NALCN: variants seen among roughly 807,000 people sequenced by gnomAD.
NALCN encodes the protein sodium leak channel, non-selective, also known as sodium leak channel NALCN.
NALCN carries 111 observed loss-of-function variants against 225.3 expected under a neutral mutation model. That is an observed-to-expected ratio of 0.49 (90% CI 0.42 to 0.58). The LOEUF is 0.58. Ranked by LOEUF, NALCN falls within the 20% of genes least tolerant of loss-of-function variation. The pLI is 0.00. For synonymous variants in NALCN, 764 were observed against 769.0 expected (o/e 0.99, Z 0.11); for missense variants, 1,378 against 2,202.4 (o/e 0.63, Z 7.49).
chr13:101,194,222 T>G (rs969008456), intron 13 of NALCN, among the ~76,000 whole-genome samples: 7 of 152,242 alleles, frequency 4.6e-5, no homozygotes, highest in African/African-American at 1.7e-4. Flanking sequence ...ACTGGGGTTA[T>G]CCTCTTTTCA....
intron 15 of NALCN, among the ~76,000 whole-genome samples, chr13:101,159,656 G>A (rs915158499): frequency 6.6e-6 from 1 of 152,182 alleles, no homozygotes; most frequent in Non-Finnish European, 1.5e-5. Flanking sequence ...CTCTTTCCCG[G>A]ATGAGAATTT....
At chr13:101,157,296 C>T (rs2037951863) in intron 15 of NALCN, among the ~76,000 whole-genome samples, 1 of 152,122 alleles carries the variant, frequency 6.6e-6, no homozygotes, top group Admixed American at 6.5e-5. Flanking sequence ...ATACTGGAAA[C>T]AATGAGAAAC....
At chr13:101,346,087 C>CTCTCTCTCTCTCTCTCTCTATATA in intron 6 of NALCN, among the ~76,000 whole-genome samples, 140 of 70,902 alleles carry the variant, frequency 2.0e-3, no homozygotes, top group Non-Finnish European at 2.2e-3. Flanking sequence ...CTCTCTCTCT[C>CTCTCTCTCTCTCTCTCTCTATATA]TATATATATA....
At chr13:101,346,069 C>T in intron 6 of NALCN, among the ~76,000 whole-genome samples, 1 of 93,510 alleles carries the variant, frequency 1.1e-5, no homozygotes, top group East Asian at 2.7e-4. Flanking sequence ...CTCTCTCTCT[C>T]TCTCTCTCTC....
intron 15 of NALCN, among the ~76,000 whole-genome samples, chr13:101,159,979 G>C (rs1198544166): frequency 8.4e-6 from 1 of 119,340 alleles, no homozygotes; most frequent in East Asian, 3.0e-4. Flanking sequence ...TTTTGAGACG[G>C]AGTCTCATTC....
intron 7 of NALCN, among the ~76,000 whole-genome samples, chr13:101,315,235 A>G (rs1258016456): frequency 2.0e-5 from 3 of 152,222 alleles, no homozygotes; most frequent in Non-Finnish European, 4.4e-5. Context: ...TAAAATAATC[A>G]TTAATTCTAG....
intron 15 of NALCN, among the ~76,000 whole-genome samples, chr13:101,166,164 T>A (rs571756948): frequency 1.3e-5 from 2 of 152,226 alleles, no homozygotes; most frequent in African/African-American, 4.8e-5. Context: ...GACACTAGGG[T>A]TGCTTCCACC....
At chr13:101,149,065 G>A (rs192789774) in intron 15 of NALCN, among the ~76,000 whole-genome samples, 2,247 of 152,214 alleles carry the variant, frequency 0.015, 62 homozygotes, top group African/African-American at 0.052. Flanking sequence ...AGGCCGAGGT[G>A]GGCGGATCAC....
intron 34 of NALCN, among the ~76,000 whole-genome samples, chr13:101,077,799 T>TG (rs34129617): frequency 6.6e-6 from 1 of 152,122 alleles, no homozygotes; most frequent in African/African-American, 2.4e-5. Context: ...ACCAGGACAA[T>TG]GGGGAAAATG....
At chr13:101,088,669 G>C (rs1035457483) in intron 30 of NALCN, among the ~76,000 whole-genome samples, 2 of 152,114 alleles carry the variant, frequency 1.3e-5, no homozygotes, top group African/African-American at 4.8e-5. Context: ...TGATTCCAAA[G>C]ACTGCGTCTC....
At chr13:101,185,392 A>C (rs2039408348) in intron 14 of NALCN, among the ~76,000 whole-genome samples, 1 of 152,170 alleles carries the variant, frequency 6.6e-6, no homozygotes, top group Non-Finnish European at 1.5e-5. Context: ...GCTTAATTAC[A>C]TTTTCTTTCT....
chr13:101,104,679 C>T lies in NALCN; in HGVS notation c.2637-29G>A, dbSNP rs1289278929. 1 of 1,612,926 alleles carries T rather than the reference C, an allele frequency of 6.2e-7. No homozygotes were observed. The highest frequency in any genetic ancestry group is 8.5e-7 in the Non-Finnish European group (1 of 1,179,314). Reference sequence around the variant, plus strand: ...CCAAAGACCAAACAAAATTGAGAAACATAAAGGTTCCAGGAAAGGCTTCTA... The same window carrying T: ...CCAAAGACCAAACAAAATTGAGAAATATAAAGGTTCCAGGAAAGGCTTCTA... On this transcript the variant is annotated intron_variant, in intron 23 of 43. Transcript: ENST00000251127. The surrounding 1 kb of genome is among the most constrained non-coding windows in gnomAD (Gnocchi z 4.2).
intron 16 of NALCN, among the ~76,000 whole-genome samples, chr13:101,144,204 G>A (rs1316818350): frequency 6.6e-6 from 1 of 152,092 alleles, no homozygotes; most frequent in Non-Finnish European, 1.5e-5. Context: ...TTAACTGGAG[G>A]GCAAACGTGG....
intron 7 of NALCN, among the ~76,000 whole-genome samples, chr13:101,335,707 CTT>C (rs1169865285): frequency 2.1e-5 from 3 of 141,330 alleles, no homozygotes; most frequent in Admixed American, 7.1e-5. Flanking sequence ...CCCCTTGGTG[CTT>C]TTTTTTTTTT....
intron 15 of NALCN, among the ~76,000 whole-genome samples, chr13:101,155,786 G>A (rs183766488): frequency 6.6e-6 from 1 of 152,210 alleles, no homozygotes; most frequent in African/African-American, 2.4e-5. Flanking sequence ...AAAAGACTTG[G>A]AGAGGACACT....
chr13:101,393,696 A>C (rs914436887), intron 3 of NALCN, among the ~76,000 whole-genome samples: 1 of 152,204 alleles, frequency 6.6e-6, no homozygotes, highest in African/African-American at 2.4e-5. Flanking sequence ...AATCCCAGCT[A>C]CTTGGGAGGC....
intron 4 of NALCN, 84 bp downstream of exon 4, chr13:101,378,486 G>T (rs59301533): frequency 1.0e-6 from 1 of 971,932 alleles, no homozygotes; most frequent in East Asian, 2.7e-5. Context: ...TATATATTTT[G>T]TAATATTTCT....
chr13:101,374,473 G>C (rs1399297343), intron 6 of NALCN, among the ~76,000 whole-genome samples: 1 of 151,866 alleles, frequency 6.6e-6, no homozygotes, highest in Non-Finnish European at 1.5e-5. Context: ...TTTTAGTAGA[G>C]AGGGGGTTTC....
chr13:101,346,045 C>G (rs1420016100), intron 6 of NALCN, among the ~76,000 whole-genome samples: 1 of 131,608 alleles, frequency 7.6e-6, no homozygotes, highest in African/African-American at 2.8e-5. Flanking sequence ...ATATATGAGA[C>G]CTTGAGAGAC....
Sources: allele counts gnomAD v4.1 joint callset (sites outside exome capture counted in the v4.1 genomes callset), GRCh38; gene constraint gnomAD v4.1.1; non-coding constraint Gnocchi (gnomAD v3.1); transcripts MANE v1.5; gene names NCBI Gene and HGNC (gene_info 2026-07-23, HGNC 2026-07-21).